The following SCAI variants were observed in gnomAD, a reference collection of about 807,000 sequenced individuals.
The protein encoded by SCAI is suppressor of cancer cell invasion, also known as protein SCAI.
SCAI carries 24 observed loss-of-function variants against 92.2 expected under a neutral mutation model. That is an observed-to-expected ratio of 0.26 (90% CI 0.19 to 0.37). The LOEUF is 0.37. SCAI is among the 10% of genes least tolerant of loss of function. The pLI is 1.00. For synonymous variants in SCAI, 261 were observed against 258.6 expected (o/e 1.01, Z -0.09); for missense variants, 450 against 736.2 (o/e 0.61, Z 4.50).
chr9:125,080,750 C>A (rs890878264), intron 2 of SCAI, among the ~76,000 whole-genome samples: 2 of 152,150 alleles, frequency 1.3e-5, no homozygotes, highest in Non-Finnish European at 2.9e-5. Context: ...CATAAACAGT[C>A]AATAAAAGGT....
chr9:125,054,657 A>C (rs1051440922), intron 3 of SCAI, among the ~76,000 whole-genome samples: 46 of 152,198 alleles, frequency 3.0e-4, no homozygotes, highest in Non-Finnish European at 5.7e-4. Flanking sequence ...AAAATAGTGA[A>C]AGAAAATATT....
At position 125,059,097 on chromosome 9, in the gene SCAI, T is replaced by C. The variant is rs1370994033; in HGVS notation, c.99-3090A>G. On this transcript the variant is annotated intron_variant, in intron 2 of 17. Transcript: ENST00000336505. ...ATTACTTCCAAGGGAAAAAGTAATT[T>C]CACAGCAGTAAAATCCAGCAGACAC... Among the ~76,000 whole-genome samples, 4 of 152,330 alleles carry C rather than the reference T, an allele frequency of 2.6e-5. No homozygotes were observed. The East Asian group carries it at 7.7e-4, about 29-fold the overall frequency.
intron 14 of SCAI, among the ~76,000 whole-genome samples, chr9:124,981,874 G>A (rs995397728): frequency 6.7e-6 from 1 of 149,118 alleles, no homozygotes; most frequent in African/African-American, 2.6e-5. Flanking sequence ...TGAACTCTTG[G>A]CCTCTAGCAA....
intron 14 of SCAI, 49 bp downstream of exon 14, chr9:124,994,885 G>T: frequency 8.0e-7 from 1 of 1,252,822 alleles, no homozygotes; most frequent in South Asian, 1.3e-5. Flanking sequence ...GGGTACCCTT[G>T]GGTTGGTGCC....
chr9:124,992,423 A>G (rs1832147161), intron 14 of SCAI, among the ~76,000 whole-genome samples: 1 of 150,568 alleles, frequency 6.6e-6, no homozygotes, highest in East Asian at 2.0e-4. Flanking sequence ...TCACTCTGTC[A>G]CCCAGGCTGG....
intron 6 of SCAI, 126 bp downstream of exon 6, chr9:125,026,686 A>G: frequency 1.8e-6 from 1 of 542,636 alleles, no homozygotes; most frequent in Non-Finnish European, 3.3e-6. Flanking sequence ...ATTACATAGC[A>G]GGCACTCAAT....
chr9:124,946,981 G>C lies in SCAI; in HGVS notation c.*5826C>G, dbSNP rs528288729. ...CAAATATACAAATTAACAACCTCCC[G>C]TTCCTCACTAAATCCTATCCTACTT... On this transcript the variant is annotated 3_prime_UTR_variant, in exon 18 of 18. Coordinates refer to ENST00000336505, the MANE Select transcript of SCAI (RefSeq NM_001144877.3). This position sits in a 1 kb window ranked among gnomAD's most constrained non-coding sequence, Gnocchi z 4.0. 1.3e-5 allele frequency: 2 copies of C among 152,080 alleles called. No individual in the cohort carries two copies. The highest frequency in any genetic ancestry group is 2.1e-4 in the South Asian group (1 of 4,832). The allele number at this position is 152,080 out of a possible 1,614,324, so 9.4% of individuals were successfully genotyped here. A position where few individuals can be genotyped will look rare whatever the true frequency, so the allele number is the denominator to read the frequency against.
At position 125,058,101 on chromosome 9, in the gene SCAI, T is replaced by TAAA. The variant is rs34425131; in HGVS notation, c.99-2097_99-2095dup. Among the ~76,000 whole-genome samples the TAAA allele has an allele frequency of 2.7e-5, 4 of 149,392 alleles. No homozygotes were observed. In the East Asian group the frequency reaches 5.9e-4, roughly 22 times the overall value. On this transcript the variant is annotated intron_variant, in intron 2 of 17. Transcript: ENST00000336505. ...GTGACAGAATGAGACCCCATTTCTT[T>TAAA]AAAAAAAAAAAATTCTTTTTTAAAA...
chr9:124,971,802 T>C lies in SCAI; in HGVS notation c.1442A>G (p.Asn481Ser), dbSNP rs762197125. The change falls in exon 16 of 18, where the codon AAT (asparagine) becomes AGT (serine). Residue 481 changes from asparagine to serine, a missense_variant. Physicochemically the swap from Asn to Ser is conservative, Grantham distance 46. This residue lies in a region of SCAI where 360 missense variants were observed against 601.8 expected (regional missense o/e 0.60). Coordinates refer to ENST00000336505, the MANE Select transcript of SCAI (RefSeq NM_001144877.3). ...RGSLFTLFLN[N>S]PLMAFLFVSG... ...GACAAATAGGAAGGCCATTAGAGGA[T>C]TGTTCAAAAAGAGAGTGAAGAGGCT... 5 of 1,609,774 alleles carry C rather than the reference T, an allele frequency of 3.1e-6. No homozygotes were observed. Among genetic ancestry groups the C allele is most frequent in the South Asian group, 2.2e-5 (2 of 90,142 alleles).
At chr9:125,072,984 C>T (rs1834006651) in intron 2 of SCAI, among the ~76,000 whole-genome samples, 1 of 151,310 alleles carries the variant, frequency 6.6e-6, no homozygotes, top group African/African-American at 2.4e-5. Context: ...GTGAATAATG[C>T]TGCTATGAAC....
intron 6 of SCAI, among the ~76,000 whole-genome samples, chr9:125,025,246 A>T (rs892520401): frequency 3.3e-5 from 5 of 152,216 alleles, no homozygotes; most frequent in African/African-American, 7.2e-5. Flanking sequence ...TACTGGCACA[A>T]AGCAAGAGTT....
At position 125,091,656 on chromosome 9, in the gene SCAI, A is replaced by G. The variant is rs549394830; in HGVS notation, c.99-35649T>C. On this transcript the variant is annotated intron_variant, in intron 2 of 17. Transcript: ENST00000336505. The surrounding 1 kb of genome is among the most constrained non-coding windows in gnomAD (Gnocchi z 4.3). The stretch of plus-strand genomic sequence containing the variant: ...TCATGCTGACTGATCTCACTTTCAA[A>G]GCATGACCACAGAATGGGCATTTCC... Among the ~76,000 whole-genome samples the G allele has an allele frequency of 1.9e-4, 29 of 152,228 alleles. No individual in the cohort carries two copies. Among genetic ancestry groups the G allele is most frequent in the Non-Finnish European group, 2.9e-4 (20 of 68,044 alleles).
At chr9:124,961,762 T>G (rs1411225657) in intron 17 of SCAI, among the ~76,000 whole-genome samples, 1 of 152,030 alleles carries the variant, frequency 6.6e-6, no homozygotes, top group Admixed American at 6.6e-5. Flanking sequence ...TTAGGGATGC[T>G]GAGCCCCCTC....
At chr9:125,030,326 T>A (rs1001513726) in intron 3 of SCAI, among the ~76,000 whole-genome samples, 3 of 152,188 alleles carry the variant, frequency 2.0e-5, no homozygotes, top group South Asian at 2.1e-4. Flanking sequence ...TATCATATCT[T>A]AGGAGAAAAT....
chr9:125,057,573 T>C (rs1833694270), intron 2 of SCAI, among the ~76,000 whole-genome samples: 1 of 152,202 alleles, frequency 6.6e-6, no homozygotes, highest in Non-Finnish European at 1.5e-5. Flanking sequence ...CAAGTGGGTA[T>C]CCACATCACA....
chr9:125,140,742 C>T (rs1835647667), intron 2 of SCAI, among the ~76,000 whole-genome samples: 1 of 150,342 alleles, frequency 6.7e-6, no homozygotes, highest in Non-Finnish European at 1.5e-5. Context: ...GCTTGTAGTC[C>T]CAGCTACTCC....
chr9:124,987,900 T>C (rs1588134531), intron 14 of SCAI, among the ~76,000 whole-genome samples: 1 of 151,670 alleles, frequency 6.6e-6, no homozygotes, highest in South Asian at 2.1e-4. Flanking sequence ...GAGGCAGAGG[T>C]TGTAGTGAGC....
At chr9:125,055,394 AC>A (rs1314468174) in intron 3 of SCAI, among the ~76,000 whole-genome samples, 1 of 151,494 alleles carries the variant, frequency 6.6e-6, no homozygotes, top group Non-Finnish European at 1.5e-5. Context: ...TTTTCCACCC[AC>A]CCCCCACCAT....
At chr9:125,029,443 A>T (rs528068012) in intron 4 of SCAI, among the ~76,000 whole-genome samples, 4 of 152,354 alleles carry the variant, frequency 2.6e-5, no homozygotes, top group Non-Finnish European at 5.9e-5. Flanking sequence ...GATCTTAAAT[A>T]AATAGGAAAG....
Sources: gnomAD v4.1 joint callset for allele counts (sites outside exome capture counted in the v4.1 genomes callset) on GRCh38, gnomAD v4.1.1 for gene constraint, gnomAD v4.1.1 regional missense constraint, Gnocchi (gnomAD v3.1) non-coding constraint, MANE v1.5 for transcripts, NCBI Gene and HGNC (gene_info 2026-07-23, HGNC 2026-07-21) for gene names.